Variants in SLC8A3 observed in about 807,000 individuals in gnomAD.
SLC8A3 encodes sodium/calcium exchanger 3.
SLC8A3 carries 37 observed loss-of-function variants against 65.4 expected under a neutral mutation model. The ratio of observed to expected loss-of-function variants is 0.57; its 90% CI spans 0.44 to 0.74. The LOEUF (loss-of-function observed/expected upper bound fraction) is 0.74. SLC8A3 is among the 30% of genes least tolerant of loss of function. The pLI, the probability that SLC8A3 is intolerant of heterozygous loss-of-function variation, is 0.00. For synonymous variants in SLC8A3, 461 were observed against 444.5 expected (o/e 1.04, Z -0.47); for missense variants, 1,112 against 1,172.1 (o/e 0.95, Z 0.75).
intron 1 of SLC8A3, 33 bp downstream of exon 1, chr14:70,188,346 G>A (rs945428024): frequency 3.3e-5 from 5 of 152,518 alleles, no homozygotes; most frequent in African/African-American, 1.2e-4. Context: ...GCCCGCTAAG[G>A]GGGAAGGGCA....
chr14:70,124,891 C>A (rs775910252), intron 2 of SLC8A3, among the ~76,000 whole-genome samples: 6 of 152,212 alleles, frequency 3.9e-5, no homozygotes, highest in Non-Finnish European at 8.8e-5. Flanking sequence ...ACATCTGCAA[C>A]TGTCAAAAGG....
intron 2 of SLC8A3, among the ~76,000 whole-genome samples, chr14:70,117,556 A>G (rs1893752011): frequency 6.6e-6 from 1 of 152,228 alleles, no homozygotes; most frequent in South Asian, 2.1e-4. Flanking sequence ...GCTCTTAACT[A>G]CACAAAAACT....
intron 2 of SLC8A3, among the ~76,000 whole-genome samples, chr14:70,070,566 C>T (rs1889918757): frequency 1.3e-5 from 2 of 152,284 alleles, no homozygotes; most frequent in East Asian, 3.9e-4. Context: ...CTACTTACTC[C>T]AAATGGTTCT....
At chr14:70,149,539 C>T (rs570293402) in intron 2 of SLC8A3, among the ~76,000 whole-genome samples, 2 of 152,178 alleles carry the variant, frequency 1.3e-5, no homozygotes, top group South Asian at 2.1e-4. Flanking sequence ...TTAACAGGCC[C>T]GGGGGTGGAA....
At chr14:70,175,787 T>C (rs1355152742) in intron 1 of SLC8A3, among the ~76,000 whole-genome samples, 3 of 147,660 alleles carry the variant, frequency 2.0e-5, no homozygotes, top group African/African-American at 7.6e-5. Flanking sequence ...CAGGCTGGAG[T>C]GTAGTGGCGC....
intron 2 of SLC8A3, among the ~76,000 whole-genome samples, chr14:70,083,205 A>C (rs1470816222): frequency 1.3e-5 from 2 of 152,130 alleles, no homozygotes; most frequent in Non-Finnish European, 2.9e-5. Context: ...TTTTCCAAGA[A>C]TCCATGCCTC....
intron 2 of SLC8A3, among the ~76,000 whole-genome samples, chr14:70,144,327 TTTTTAAAAA>T (rs1895771842): frequency 7.1e-6 from 1 of 140,756 alleles, no homozygotes; most frequent in African/African-American, 2.7e-5. Context: ...TTTTTTTTTT[TTTTTAAAAA>T]AAAAAAAAAA....
chr14:70,137,908 T>G (rs1895315003), intron 2 of SLC8A3, among the ~76,000 whole-genome samples: 1 of 151,980 alleles, frequency 6.6e-6, no homozygotes, highest in Non-Finnish European at 1.5e-5. Context: ...TAGCATGGCT[T>G]GTCCTTTAAG....
At chr14:70,049,889 T>C (rs1887280076) in intron 5 of SLC8A3, among the ~76,000 whole-genome samples, 1 of 152,236 alleles carries the variant, frequency 6.6e-6, no homozygotes, top group South Asian at 2.1e-4. Flanking sequence ...AGGATGGGCC[T>C]TGATTGTCCT....
chr14:70,053,592 A>T lies in SLC8A3; in HGVS notation c.1889-1478T>A, dbSNP rs867817856. Among the ~76,000 whole-genome samples, 3 of 152,236 alleles carry T rather than the reference A, an allele frequency of 2.0e-5. No homozygotes were observed. In the South Asian group the frequency reaches 6.2e-4, roughly 31 times the overall value. On this transcript the variant is annotated intron_variant, in intron 3 of 6. Coordinates refer to ENST00000356921, the MANE Select transcript of SLC8A3 (RefSeq NM_182932.3). ...GACACAATAACTTTATACCAATATAATGAGCTCTCCAGTGACATATAAATG... is the reference window on the plus strand; with the variant it reads ...GACACAATAACTTTATACCAATATATTGAGCTCTCCAGTGACATATAAATG...
intron 2 of SLC8A3, among the ~76,000 whole-genome samples, chr14:70,130,844 G>A (rs955671062): frequency 6.6e-6 from 1 of 152,204 alleles, no homozygotes; most frequent in African/African-American, 2.4e-5. Flanking sequence ...TAGACTTAGA[G>A]TAAGAGCCAT....
At chr14:70,186,654 C>T (rs1883244002) in intron 1 of SLC8A3, among the ~76,000 whole-genome samples, 1 of 152,132 alleles carries the variant, frequency 6.6e-6, no homozygotes, top group Admixed American at 6.5e-5. Context: ...ACAAAGTGGA[C>T]TTGTGTGTGG....
At chr14:70,149,103 T>C (rs955459864) in intron 2 of SLC8A3, among the ~76,000 whole-genome samples, 3 of 152,188 alleles carry the variant, frequency 2.0e-5, no homozygotes, top group African/African-American at 7.2e-5. Context: ...ATCATAAATG[T>C]CCAACACCTG....
intron 2 of SLC8A3, among the ~76,000 whole-genome samples, chr14:70,120,328 G>A (rs763271854): frequency 2.6e-5 from 4 of 152,208 alleles, no homozygotes; most frequent in African/African-American, 9.7e-5. Flanking sequence ...AGGGAAATTG[G>A]AGTGTTTAGT....
At chr14:70,137,599 C>T (rs1263173496) in intron 2 of SLC8A3, among the ~76,000 whole-genome samples, 1 of 152,124 alleles carries the variant, frequency 6.6e-6, no homozygotes, top group Non-Finnish European at 1.5e-5. Context: ...TAGTTGGTAT[C>T]AAGGTGCAAA....
At chr14:70,109,819 T>C (rs1015606959) in intron 2 of SLC8A3, among the ~76,000 whole-genome samples, 3 of 152,302 alleles carry the variant, frequency 2.0e-5, no homozygotes, top group Admixed American at 1.3e-4. Flanking sequence ...ATCTCCCACC[T>C]ACTTGTTAAA....
chr14:70,049,136 C>A, intron 5 of SLC8A3, 94 bp from the exon 6 acceptor site: 1 of 1,246,764 alleles, frequency 8.0e-7, no homozygotes, highest in Non-Finnish European at 1.1e-6. Context: ...AGGCATCATC[C>A]GCTAGAAGGG....
chr14:70,057,079 A>AT (rs1473196547), intron 3 of SLC8A3, among the ~76,000 whole-genome samples: 3 of 151,978 alleles, frequency 2.0e-5, no homozygotes, highest in Non-Finnish European at 4.4e-5. Flanking sequence ...CTGTGAATCA[A>AT]TTTTTTTCCT....
At chr14:70,057,886 C>CAGAG (rs113155498) in intron 3 of SLC8A3, among the ~76,000 whole-genome samples, 11,317 of 150,860 alleles carry the variant, frequency 0.075, 498 homozygotes, top group Non-Finnish European at 0.11. Flanking sequence ...CCCCATTCTT[C>CAGAG]AGAGAGAGAG....
Sources: gnomAD v4.1 joint callset for allele counts (sites outside exome capture counted in the v4.1 genomes callset) on GRCh38, gnomAD v4.1.1 for gene constraint, MANE v1.5 for transcripts, NCBI Gene and HGNC (gene_info 2026-07-23, HGNC 2026-07-21) for gene names.